The following TDRD12 variants were observed in gnomAD, a reference collection of about 807,000 sequenced individuals.
TDRD12 encodes the protein putative ATP-dependent RNA helicase TDRD12.
TDRD12 carries 158 observed loss-of-function variants against 133.5 expected under a neutral mutation model. The ratio of observed to expected loss-of-function variants is 1.18; its 90% CI spans 1.04 to 1.35. TDRD12 has a LOEUF of 1.35. TDRD12 is among the 40% of genes most tolerant of loss of function. The pLI is 0.00. For synonymous variants in TDRD12, 460 were observed against 477.9 expected, an observed-to-expected ratio of 0.96 and a Z score of 0.49; for missense variants, 1,443 against 1,321.3, an observed-to-expected ratio of 1.09 and a Z score of -1.43.
At chr19:32,744,499 C>CAAAAAAAAAAAAAAAAAAAAA (rs10644749) in intron 4 of TDRD12, among the ~76,000 whole-genome samples, 5 of 38,094 alleles carry the variant, frequency 1.3e-4, no homozygotes, top group Non-Finnish European at 2.3e-4. Flanking sequence ...GACTCCGTCT[C>CAAAAAAAAAAAAAAAAAAAAA]AAAAAAAAAA....
chr19:32,800,575 C>A, intron 17 of TDRD12, 69 bp from the exon 18 acceptor site: 1 of 1,333,596 alleles, frequency 7.5e-7, no homozygotes, highest in Non-Finnish European at 9.9e-7. Flanking sequence ...AATCCCAACA[C>A]CTGTGGAAAG....
At chr19:32,729,999 C>G (rs932693233) in intron 1 of TDRD12, among the ~76,000 whole-genome samples, 1 of 151,786 alleles carries the variant, frequency 6.6e-6, no homozygotes, top group Non-Finnish European at 1.5e-5. Context: ...ATCGTGTTAG[C>G]TAGGATGGTC....
At chr19:32,752,654 T>TA (rs1969865782) in intron 6 of TDRD12, among the ~76,000 whole-genome samples, 1 of 152,166 alleles carries the variant, frequency 6.6e-6, no homozygotes, top group South Asian at 2.1e-4. Flanking sequence ...TTCTGGCCAT[T>TA]AGGTGCTCCT....
In TDRD12 at chr19:32,800,381, GTGTA is replaced by G. The variant is rs376083154; in HGVS notation, c.1950+27_1950+30del. On this transcript the variant is annotated intron_variant, in intron 17 of 27. Transcript: ENST00000444215. ...CAGGTAACTTTGTGTGTATGTGTAT[GTGTA>G]TGTGTGTGTGTGTGTGTATGTGTTG... is the stretch of plus-strand genomic sequence containing the variant. The G allele has an allele frequency of 4.1e-6, 6 of 1,455,146 alleles. No individual in the cohort carries two copies. The South Asian group carries it at 5.6e-5, about 14-fold the overall frequency. The allele number at this position is 1,455,146 out of a possible 1,614,324, so 90.1% of individuals were successfully genotyped here.
chr19:32,739,125 C>A, intron 3 of TDRD12, 133 bp downstream of exon 3: 1 of 1,115,746 alleles, frequency 9.0e-7, no homozygotes, highest in Non-Finnish European at 1.3e-6. Context: ...TCTTTAGCTT[C>A]CAGAAGGGGT....
intron 24 of TDRD12, among the ~76,000 whole-genome samples, chr19:32,812,256 G>T (rs1314290373): frequency 1.3e-5 from 2 of 152,204 alleles, no homozygotes; most frequent in Non-Finnish European, 2.9e-5. Context: ...CTGTCCAGGT[G>T]GGGTGGGAAG....
intron 10 of TDRD12, among the ~76,000 whole-genome samples, chr19:32,774,509 C>T (rs1235855980): frequency 6.6e-6 from 1 of 151,524 alleles, no homozygotes; most frequent in Non-Finnish European, 1.5e-5. Flanking sequence ...GAAAAGGATA[C>T]CTTTGCTAGG....
chr19:32,784,195 A>C (rs1289657904), intron 11 of TDRD12, among the ~76,000 whole-genome samples: 1 of 152,224 alleles, frequency 6.6e-6, no homozygotes, highest in African/African-American at 2.4e-5. Flanking sequence ...AGTTTTTAGC[A>C]TGAAAGGCTG....
At chr19:32,771,547 T>A (rs978202643) in intron 8 of TDRD12, among the ~76,000 whole-genome samples, 2 of 152,216 alleles carry the variant, frequency 1.3e-5, no homozygotes, top group Non-Finnish European at 2.9e-5. Flanking sequence ...AGATGTTTTA[T>A]CTTCATATCG....
chr19:32,723,411 C>T (rs747314737), intron 1 of TDRD12, among the ~76,000 whole-genome samples: 12 of 151,866 alleles, frequency 7.9e-5, no homozygotes, highest in Non-Finnish European at 1.5e-4. Context: ...CCACCATGCC[C>T]GGCTAATTTT....
chr19:32,750,617 C>G (rs1042008303), intron 6 of TDRD12, among the ~76,000 whole-genome samples: 1 of 152,114 alleles, frequency 6.6e-6, no homozygotes, highest in African/African-American at 2.4e-5. Context: ...TGAATGTTGA[C>G]AGTTTCCCGG....
chr19:32,746,755 G>A (rs1448616168), intron 4 of TDRD12, among the ~76,000 whole-genome samples: 4 of 144,414 alleles, frequency 2.8e-5, no homozygotes, highest in Admixed American at 6.9e-5. Context: ...TGAGAGAGAC[G>A]GGGAGAGAGA....
chr19:32,724,866 G>T (rs1186951669), intron 1 of TDRD12, among the ~76,000 whole-genome samples: 2 of 152,054 alleles, frequency 1.3e-5, no homozygotes, highest in Non-Finnish European at 2.9e-5. Context: ...CCACAGCCTT[G>T]CCAGCCATCT....
At chr19:32,780,619 T>C (rs1014884642) in intron 11 of TDRD12, among the ~76,000 whole-genome samples, 3 of 152,094 alleles carry the variant, frequency 2.0e-5, no homozygotes, top group Non-Finnish European at 2.9e-5. Context: ...GTTCTTCCCA[T>C]GACTCCACTC....
At chr19:32,826,691 C>G (rs187809854) in intron 9 of TDRD12, 16 of 1,232,240 alleles carry the variant, frequency 1.3e-5, no homozygotes, top group Admixed American at 1.3e-4. Flanking sequence ...AGAACCCCAA[C>G]GTGGCTTTTG....
intron 6 of TDRD12, among the ~76,000 whole-genome samples, chr19:32,754,961 A>C (rs756218959): frequency 1.3e-5 from 2 of 152,182 alleles, no homozygotes; most frequent in Non-Finnish European, 2.9e-5. Context: ...CATGCATGAG[A>C]TCATAACTGC....
Position 32,792,260 on chromosome 19 carries a change from C to T in TDRD12, c.1287+1192C>T, listed in dbSNP as rs115308527. Among the ~76,000 whole-genome samples the T allele has an allele frequency of 5.8e-3, 880 of 151,654 alleles. 9 individuals are homozygous for T. Among genetic ancestry groups the T allele is most frequent in the African/African-American group, 0.02 (828 of 41,384 alleles). On this transcript the variant is annotated intron_variant, in intron 13 of 27. Coordinates refer to ENST00000444215, the Ensembl canonical transcript of TDRD12. ...GACTCCGTCTCAAAAAAAAAAAGAC[C>T]GAAACAAACTCTCAAGGAAACAAAC...
intron 1 of TDRD12, among the ~76,000 whole-genome samples, chr19:32,729,465 T>C (rs1023321351): frequency 2.6e-5 from 4 of 151,596 alleles, no homozygotes; most frequent in South Asian, 2.1e-4. Flanking sequence ...GATCCGCCCG[T>C]CTCGGCCTCC....
intron 27 of TDRD12, among the ~76,000 whole-genome samples, chr19:32,820,507 T>G (rs1271264551): frequency 6.6e-6 from 1 of 152,086 alleles, no homozygotes; most frequent in Non-Finnish European, 1.5e-5. Flanking sequence ...TTCTAGCTAG[T>G]TATTAAGTAG....
Sources: gnomAD v4.1 joint callset for allele counts (sites outside exome capture counted in the v4.1 genomes callset) on GRCh38, gnomAD v4.1.1 for gene constraint, MANE v1.5 for transcripts, NCBI Gene and HGNC (gene_info 2026-07-23, HGNC 2026-07-21) for gene names.